Variants in CLASP2 observed in about 807,000 individuals in gnomAD.
CLASP2 encodes the protein CLIP-associating protein 2.
Under a neutral mutation model 194.4 loss-of-function variants are expected in CLASP2, and 47 were observed. The observed-to-expected ratio is 0.24, with a 90% CI of 0.19 to 0.31. The LOEUF (loss-of-function observed/expected upper bound fraction) is 0.31. CLASP2 is among the 10% of genes least tolerant of loss of function. The probability of loss-of-function intolerance (pLI) is 1.00; values close to 1 mark genes in which losing one functional copy is unlikely to be tolerated. For missense variants in CLASP2, 1,445 were observed against 1,823.6 expected (o/e 0.79, Z 3.78); for synonymous variants, 619 against 633.5 (o/e 0.98, Z 0.34).
At position 33,496,414 on chromosome 3, in the gene CLASP2, A is replaced by T. The variant is rs1321099859; in HGVS notation, c.*2217T>A. 2 of 152,192 alleles carry T rather than the reference A, an allele frequency of 1.3e-5. No individual in the cohort carries two copies. The highest frequency in any genetic ancestry group is 2.4e-5 in the African/African-American group (1 of 41,460). The allele number at this position is 152,192 out of a possible 1,614,324, so 9.4% of individuals were successfully genotyped here. A position where few individuals can be genotyped will look rare whatever the true frequency, so the allele number is the denominator to read the frequency against. ...TCTCAGTATGTTTCTGGAATGAACA[A>T]ATTAAGGGTGTATTGTATATAGTGA... On this transcript the variant is annotated 3_prime_UTR_variant, in exon 39 of 39. Transcript: ENST00000682230.
chr3:33,702,454 T>C (rs745337259), intron 1 of CLASP2, among the ~76,000 whole-genome samples: 22 of 152,056 alleles, frequency 1.4e-4, no homozygotes, highest in Non-Finnish European at 2.2e-4. Flanking sequence ...TACATAAAAA[T>C]TAACTCAAAA....
intron 27 of CLASP2, among the ~76,000 whole-genome samples, chr3:33,565,811 CA>C (rs1198140907): frequency 6.9e-6 from 1 of 144,164 alleles, no homozygotes; most frequent in Non-Finnish European, 1.5e-5. Context: ...GACTCCGTCT[CA>C]AAAAAAAGAA....
chr3:33,533,227 A>G (rs1321727822), intron 34 of CLASP2, among the ~76,000 whole-genome samples: 2 of 152,210 alleles, frequency 1.3e-5, no homozygotes, highest in African/African-American at 2.4e-5. Context: ...TTATTCACCA[A>G]TGTTACACCA....
chr3:33,649,947 A>G (rs2082906510), intron 7 of CLASP2, among the ~76,000 whole-genome samples: 1 of 152,164 alleles, frequency 6.6e-6, no homozygotes, highest in Non-Finnish European at 1.5e-5. Context: ...TTTCCCTGGA[A>G]GAAGGTGTCT....
rs9882738 is a variant in CLASP2, at chr3:33,699,783, A to G, written c.196-2850T>C. Among the ~76,000 whole-genome samples, 1,111 of 152,104 alleles carry G rather than the reference A, an allele frequency of 7.3e-3. 16 individuals are homozygous for G. The highest frequency in any genetic ancestry group is 0.025 in the African/African-American group (1,027 of 41,522). On this transcript the variant is annotated intron_variant, in intron 1 of 38. Transcript: ENST00000682230. ...GTTACGTGTGTCTTGTCTCTCTTAA[A>G]ATTTATATTGTACTTACCTGCTTTG...
intron 1 of CLASP2, among the ~76,000 whole-genome samples, chr3:33,713,679 ACTT>A (rs2093148000): frequency 6.6e-6 from 1 of 150,572 alleles, no homozygotes; most frequent in Admixed American, 6.6e-5. Flanking sequence ...AAATGTTTTC[ACTT>A]TTTTTTTTTT....
chr3:33,669,847 G>A (rs2086832677), intron 6 of CLASP2, among the ~76,000 whole-genome samples: 1 of 152,066 alleles, frequency 6.6e-6, no homozygotes, highest in African/African-American at 2.4e-5. Flanking sequence ...AACCACTCTG[G>A]AAAACTGTCC....
At chr3:33,694,814 A>C (rs2091701415) in intron 2 of CLASP2, among the ~76,000 whole-genome samples, 1 of 152,000 alleles carries the variant, frequency 6.6e-6, no homozygotes, top group African/African-American at 2.4e-5. Flanking sequence ...GGTGGCTCAC[A>C]CCTGTGGTCC....
intron 7 of CLASP2, chr3:33,658,990 T>C (rs1559555998): frequency 1.3e-6 from 2 of 1,535,844 alleles, no homozygotes; most frequent in Non-Finnish European, 1.7e-6. Context: ...CCATAGCCAT[T>C]AGATGGTCCA....
Position 33,718,078 on chromosome 3 carries a change from G to A in CLASP2, c.-76C>T, listed in dbSNP as rs2093377856. 7.2e-7 allele frequency: 1 copy of A among 1,391,758 alleles called. No individual in the cohort carries two copies. Among genetic ancestry groups the A allele is most frequent in the Non-Finnish European group, 9.3e-7 (1 of 1,071,230 alleles). The allele number at this position is 1,391,758 out of a possible 1,614,324, so 86.2% of individuals were successfully genotyped here. A position where few individuals can be genotyped will look rare whatever the true frequency, so the allele number is the denominator to read the frequency against. ...GAGAGCCGCCCAGCCTCCAGTGCGG[G>A]TCCCCGCGGGAGCGGGCGGGACTCA... is the stretch of plus-strand genomic sequence containing the variant. On this transcript the variant is annotated 5_prime_UTR_variant, in exon 1 of 39. Transcript: ENST00000682230.
intron 13 of CLASP2, among the ~76,000 whole-genome samples, chr3:33,609,154 C>A (rs1420965152): frequency 6.6e-6 from 1 of 151,606 alleles, no homozygotes; most frequent in African/African-American, 2.4e-5. Flanking sequence ...GTGGTGTATG[C>A]CTGTACTCCC....
rs551664425 is a variant in CLASP2, at chr3:33,535,234, G to A, written c.3786C>T (p.Asp1262=). Reference sequence around the variant, plus strand: ...GTAGCAGTGTGACCCAGAACATACCGTCAGGAAACTGGTCAGCATCATCAT... The same window carrying A: ...GTAGCAGTGTGACCCAGAACATACCATCAGGAAACTGGTCAGCATCATCAT... ...MFDDDADQFP[D]DLSLDHSDLV... Residue 1262 remains aspartate, a splice_region_variant and synonymous_variant, in exon 34 of 39, where the codon GAC becomes GAT. Transcript: ENST00000682230. The A allele has an allele frequency of 3.9e-5, 62 of 1,609,598 alleles. No individual in the cohort carries two copies. In the East Asian group the frequency reaches 1.1e-3, roughly 28 times the overall value.
chr3:33,595,145 G>C (rs1223852592), intron 19 of CLASP2, among the ~76,000 whole-genome samples, 177 bp from the exon 20 acceptor site: 1 of 151,906 alleles, frequency 6.6e-6, no homozygotes, highest in Non-Finnish European at 1.5e-5. Flanking sequence ...CAAAATTTGA[G>C]GTAATCCAAT....
Position 33,551,335 on chromosome 3 carries a change from A to G in CLASP2, c.3070T>C (p.Phe1024Leu). The G allele has an allele frequency of 6.2e-7, 1 of 1,613,872 alleles. No homozygotes were observed. Among genetic ancestry groups the G allele is most frequent in the Non-Finnish European group, 8.5e-7 (1 of 1,179,814 alleles). The stretch of plus-strand genomic sequence containing the variant: ...AGGCGAGTTTCACTGGAATTTATAA[A>G]ATCTCCTGGATCCATCTGTTTGGCC... ...TLAKQMDPGDFINSSETRLAV... is the reference protein window; with the variant it reads ...TLAKQMDPGDLINSSETRLAV... The change falls in exon 30 of 39, where the codon TTT becomes CTT. Residue 1024 changes from phenylalanine to leucine, a missense_variant. This residue lies in a region of CLASP2 where 732 missense variants were observed against 987.9 expected (regional missense o/e 0.74). Coordinates refer to ENST00000682230, the MANE Select transcript of CLASP2 (RefSeq NM_001365631.1).
chr3:33,713,012 C>CAGAAAAAA (rs1559717375), intron 1 of CLASP2, among the ~76,000 whole-genome samples: 13 of 46,990 alleles, frequency 2.8e-4, no homozygotes, highest in Non-Finnish European at 4.6e-4. Flanking sequence ...AACTCCACCT[C>CAGAAAAAA]AAAAAAAAAA....
At chr3:33,701,211 T>C (rs1414822416) in intron 1 of CLASP2, among the ~76,000 whole-genome samples, 1 of 152,194 alleles carries the variant, frequency 6.6e-6, no homozygotes, top group Admixed American at 6.5e-5. Context: ...CTGAAATGTA[T>C]ATAGAAAGGT....
chr3:33,688,034 T>C (rs1053990040), intron 4 of CLASP2, among the ~76,000 whole-genome samples: 6 of 152,228 alleles, frequency 3.9e-5, no homozygotes. Context: ...CCATCTGTTT[T>C]GGGTGGCTAC....
intron 36 of CLASP2, among the ~76,000 whole-genome samples, chr3:33,512,557 T>TAAAAAAAAAA (rs71070140): frequency 7.2e-4 from 9 of 12,474 alleles, no homozygotes; most frequent in East Asian, 1.7e-3. Context: ...TAGAGTATAA[T>TAAAAAAAAAA]AAAAAAAAAA....
rs190684517 is a variant in CLASP2, at chr3:33,636,677, T to C, written c.863-4306A>G. ...GTGCAGTGGTGTGATCTCAGCTCAC[T>C]GCAACCTCCACCTCCTGGGTTCAAG... On this transcript the variant is annotated intron_variant, in intron 8 of 38. Coordinates refer to ENST00000682230, the MANE Select transcript of CLASP2 (RefSeq NM_001365631.1). Among the ~76,000 whole-genome samples the C allele has an allele frequency of 6.6e-5, 10 of 152,308 alleles. No individual in the cohort carries two copies. In the East Asian group the frequency reaches 1.7e-3, roughly 26 times the overall value.
Sources: allele counts gnomAD v4.1 joint callset (sites outside exome capture counted in the v4.1 genomes callset), GRCh38; gene constraint gnomAD v4.1.1; regional missense constraint gnomAD v4.1.1; transcripts MANE v1.5; gene names NCBI Gene and HGNC (gene_info 2026-07-23, HGNC 2026-07-21).